FOCAD: variants seen among roughly 807,000 people sequenced by gnomAD.
FOCAD encodes the protein KIAA1797.
FOCAD carries 198 observed loss-of-function variants against 225.6 expected under a neutral mutation model. The ratio of observed to expected loss-of-function variants is 0.88; its 90% CI spans 0.78 to 0.99. The LOEUF is 0.99. Among genes scored for constraint, FOCAD ranks in the 50% least tolerant of loss-of-function variants. The pLI is 0.00. For synonymous variants in FOCAD, 897 were observed against 755.0 expected (o/e 1.19, Z -3.08); for missense variants, 2,713 against 2,123.6 (o/e 1.28, Z -5.46).
chr9:20,912,278 T>A (rs1196814749), intron 22 of FOCAD, among the ~76,000 whole-genome samples: 1 of 152,124 alleles, frequency 6.6e-6, no homozygotes, highest in East Asian at 1.9e-4. Flanking sequence ...ATAATACATA[T>A]TTAAAGGCCT....
rs1308444965 is a variant in FOCAD at position 20,822,003 on chromosome 9, A to G, written c.1793+932A>G. Among the ~76,000 whole-genome samples the G allele has an allele frequency of 6.0e-3, 894 of 148,176 alleles. 9 individuals carry two copies. The highest frequency in any genetic ancestry group is 0.021 in the African/African-American group (841 of 40,628). On this transcript the variant is annotated intron_variant, in intron 14 of 43. Transcript: ENST00000338382. ...CCTCAATGTAAAAGTTACTAAAAAA[A>G]AAAAAAAAAAAAAAAAAAAAGGAGT...
chr9:20,735,168 T>A (rs1827043407), intron 4 of FOCAD, among the ~76,000 whole-genome samples: 1 of 152,210 alleles, frequency 6.6e-6, no homozygotes, highest in Non-Finnish European at 1.5e-5. Context: ...TGATCTGCTT[T>A]ATTTTGTTGC....
chr9:20,802,832 C>T (rs764048824), intron 11 of FOCAD, among the ~76,000 whole-genome samples: 1 of 152,116 alleles, frequency 6.6e-6, no homozygotes, highest in Non-Finnish European at 1.5e-5. Flanking sequence ...TGCTCATTTG[C>T]TTTAGCACAA....
chr9:20,714,778 G>T (rs60761353), intron 1 of FOCAD, among the ~76,000 whole-genome samples: 5,483 of 151,332 alleles, frequency 0.036, 343 homozygotes, highest in African/African-American at 0.13. Flanking sequence ...ATTAAAAGTT[G>T]GTGCTAATTG....
intron 11 of FOCAD, among the ~76,000 whole-genome samples, chr9:20,797,823 T>G (rs1235602320): frequency 2.6e-5 from 4 of 152,194 alleles, no homozygotes; most frequent in Non-Finnish European, 5.9e-5. Context: ...CTTTTCCTAA[T>G]TGAATACCCT....
At chr9:20,865,699 T>A (rs1170125579) in intron 16 of FOCAD, among the ~76,000 whole-genome samples, 1 of 152,086 alleles carries the variant, frequency 6.6e-6, no homozygotes, top group Non-Finnish European at 1.5e-5. Flanking sequence ...GTTTCTAAAT[T>A]TCATTATCTT....
rs1825689931 is a variant in FOCAD at position 20,720,512 on chromosome 9, C to G, written c.265C>G (p.Leu89Val). Residue 89 changes from leucine to valine, a missense_variant, in exon 4 of 44, where the codon CTC becomes GTC. By Grantham distance (32) the Leu-to-Val change is conservative. Transcript: ENST00000338382. Reference sequence around the variant, plus strand: ...GTTCAGCTATGTTCTCAATGGGATACTCAACTTGATTCCATCAACCAGGTA... The same window carrying G: ...GTTCAGCTATGTTCTCAATGGGATAGTCAACTTGATTCCATCAACCAGGTA... The part of the protein sequence containing the change: ...AEFSYVLNGI[L>V]NLIPSTRNTH... The G allele has an allele frequency of 6.2e-7, 1 of 1,613,980 alleles. No homozygotes were observed. Among genetic ancestry groups the G allele is most frequent in the Admixed American group, 1.7e-5 (1 of 60,010 alleles).
At chr9:20,867,238 A>G (rs1829367071) in intron 18 of FOCAD, among the ~76,000 whole-genome samples, 1 of 151,948 alleles carries the variant, frequency 6.6e-6, no homozygotes. Context: ...TCTTAAGGTG[A>G]CTGGGTATAT....
At chr9:20,668,586 C>A (rs1821963453) in intron 2 of FOCAD, among the ~76,000 whole-genome samples, 1 of 152,202 alleles carries the variant, frequency 6.6e-6, no homozygotes, top group African/African-American at 2.4e-5. Context: ...AAAGATTGTA[C>A]AAATCCTAAA....
At chr9:20,696,161 T>C (rs974078055) in intron 1 of FOCAD, among the ~76,000 whole-genome samples, 22 of 152,256 alleles carry the variant, frequency 1.4e-4, no homozygotes, top group African/African-American at 5.1e-4. Context: ...ACATTTCATG[T>C]CTAATCCATT....
chr9:20,905,376 CT>C (rs1285834834), intron 21 of FOCAD, among the ~76,000 whole-genome samples: 1 of 151,872 alleles, frequency 6.6e-6, no homozygotes, highest in East Asian at 1.9e-4. Context: ...TAATCCTTTC[CT>C]TTTTTAAACT....
At chr9:20,890,358 G>C (rs1831507547) in intron 21 of FOCAD, among the ~76,000 whole-genome samples, 1 of 148,276 alleles carries the variant, frequency 6.7e-6, no homozygotes, top group African/African-American at 2.5e-5. Context: ...TCTAGTCCTA[G>C]ATTTCTGAGA....
chr9:20,786,468 T>C (rs1192686258), intron 10 of FOCAD, among the ~76,000 whole-genome samples: 1 of 152,154 alleles, frequency 6.6e-6, no homozygotes, highest in African/African-American at 2.4e-5. Flanking sequence ...AAAGGCTCTC[T>C]TGAGGGTTTA....
intron 12 of FOCAD, among the ~76,000 whole-genome samples, 194 bp downstream of exon 12, chr9:20,820,094 G>C (rs1426388609): frequency 6.6e-6 from 1 of 151,910 alleles, no homozygotes; most frequent in Non-Finnish European, 1.5e-5. Flanking sequence ...AAATTACTTA[G>C]TATCTAAGTT....
rs142705510 is a variant in FOCAD at position 20,954,058 on chromosome 9, A to G, written c.4132+993A>G. 9.2e-5 allele frequency among the ~76,000 whole-genome samples: 14 copies of G among 152,276 alleles called. 1 individual carries two copies. In the East Asian group the frequency reaches 2.7e-3, roughly 29 times the overall value. ...TTTTGAATATTTTCATAGCCTGGAG[A>G]CAAATTCCATTAATTTCTGGAGTTC... On this transcript the variant is annotated intron_variant, in intron 35 of 43. Coordinates refer to ENST00000338382, the MANE Select transcript of FOCAD (RefSeq NM_001375567.1).
At chr9:20,956,309 T>C (rs1380038317) in intron 35 of FOCAD, among the ~76,000 whole-genome samples, 3 of 152,222 alleles carry the variant, frequency 2.0e-5, no homozygotes, top group Non-Finnish European at 2.9e-5. Context: ...CAAGGTTATG[T>C]GTGATTTTTG....
intron 8 of FOCAD, among the ~76,000 whole-genome samples, chr9:20,777,450 C>T (rs1818879604): frequency 6.6e-6 from 1 of 151,732 alleles, no homozygotes. Flanking sequence ...TATTTAGAAA[C>T]CTCAAATAAC....
chr9:20,796,391 C>T (rs546761564), intron 11 of FOCAD, among the ~76,000 whole-genome samples: 1 of 152,338 alleles, frequency 6.6e-6, no homozygotes, highest in Non-Finnish European at 1.5e-5. Flanking sequence ...AATCAGCACA[C>T]TGACTTCCAC....
At chr9:20,800,565 C>G (rs530509071) in intron 11 of FOCAD, among the ~76,000 whole-genome samples, 22 of 152,216 alleles carry the variant, frequency 1.4e-4, no homozygotes, top group African/African-American at 3.6e-4. Context: ...TCTTTTTTCT[C>G]TAAATTTCTC....
Sources: gnomAD v4.1 joint callset for allele counts (sites outside exome capture counted in the v4.1 genomes callset) on GRCh38, gnomAD v4.1.1 for gene constraint, MANE v1.5 for transcripts, NCBI Gene and HGNC (gene_info 2026-07-23, HGNC 2026-07-21) for gene names.